Variants in PRKCA observed in about 807,000 individuals in gnomAD.
PRKCA encodes protein kinase C alpha.
Under a neutral mutation model 87.0 loss-of-function variants are expected in PRKCA, and 27 were observed. The ratio of observed to expected loss-of-function variants is 0.31; its 90% CI spans 0.23 to 0.43. The LOEUF (loss-of-function observed/expected upper bound fraction) is 0.43, where lower values mean the gene tolerates loss of function less well. Ranked by LOEUF, PRKCA falls within the 20% of genes least tolerant of loss-of-function variation. The pLI, the probability that PRKCA is intolerant of heterozygous loss-of-function variation, is 1.00. For synonymous variants in PRKCA, 329 were observed against 311.1 expected, an observed-to-expected ratio of 1.06 and a Z score of -0.61; for missense variants, 518 against 852.3, an observed-to-expected ratio of 0.61 and a Z score of 4.88.
chr17:66,634,064 T>C (rs993342801), intron 3 of PRKCA, among the ~76,000 whole-genome samples: 3 of 152,228 alleles, frequency 2.0e-5, no homozygotes, highest in Non-Finnish European at 2.9e-5. Flanking sequence ...ATGATGGTGA[T>C]AAAGAGAAAC....
chr17:66,738,684 C>A, intron 10 of PRKCA, 80 bp from the exon 11 acceptor site: 2 of 1,147,338 alleles, frequency 1.7e-6, no homozygotes, highest in Non-Finnish European at 1.3e-6. Context: ...AATGAGAAAG[C>A]AAAACACAAC....
chr17:66,639,351 T>G (rs1275747942), intron 3 of PRKCA: 1 of 152,176 alleles, frequency 6.6e-6, no homozygotes, highest in Non-Finnish European at 1.5e-5. Flanking sequence ...GGGAGACAAA[T>G]AGATCATCTA....
At chr17:66,538,247 G>A (rs1027753318) in intron 3 of PRKCA, among the ~76,000 whole-genome samples, 12 of 152,196 alleles carry the variant, frequency 7.9e-5, no homozygotes, top group Admixed American at 4.6e-4. Flanking sequence ...GCCTCTTTCA[G>A]AGTTACTTAA....
intron 5 of PRKCA, among the ~76,000 whole-genome samples, chr17:66,673,228 G>A (rs972300769): frequency 1.3e-5 from 2 of 152,186 alleles, no homozygotes; most frequent in Admixed American, 1.3e-4. Flanking sequence ...AAACATTGTT[G>A]TTTCTCATCT....
intron 2 of PRKCA, among the ~76,000 whole-genome samples, chr17:66,470,898 G>A (rs1430315240): frequency 6.6e-6 from 1 of 152,156 alleles, no homozygotes; most frequent in Non-Finnish European, 1.5e-5. Context: ...CTCCAACTAA[G>A]AGTGTGTATA....
intron 16 of PRKCA, among the ~76,000 whole-genome samples, chr17:66,800,896 T>C (rs1975884447): frequency 6.6e-6 from 1 of 152,228 alleles, no homozygotes; most frequent in Admixed American, 6.5e-5. Context: ...TTCTTGCTCA[T>C]CTTTGCATGG....
intron 8 of PRKCA, among the ~76,000 whole-genome samples, chr17:66,713,686 CCGCT>C (rs1226599387): frequency 1.3e-5 from 2 of 152,182 alleles, no homozygotes; most frequent in African/African-American, 4.8e-5. Flanking sequence ...TAGCGTGCCA[CCGCT>C]CGCTCACACC....
chr17:66,346,348 T>C (rs1415079698), intron 2 of PRKCA, among the ~76,000 whole-genome samples: 3 of 151,870 alleles, frequency 2.0e-5, no homozygotes, highest in East Asian at 3.9e-4. Context: ...CTGCCCACCT[T>C]GGCCTCCCAA....
At chr17:66,607,025 T>A (rs1022842785) in intron 3 of PRKCA, among the ~76,000 whole-genome samples, 4 of 152,190 alleles carry the variant, frequency 2.6e-5, no homozygotes, top group Non-Finnish European at 5.9e-5. Flanking sequence ...GGAAATTTTT[T>A]CATTTCTTAT....
chr17:66,698,418 CAG>C lies in PRKCA; in HGVS notation c.918+9373_918+9374del, dbSNP rs559781349. Among the ~76,000 whole-genome samples the C allele has an allele frequency of 5.5e-4, 84 of 152,096 alleles. No homozygotes were observed. The South Asian group carries it at 7.9e-3, about 14-fold the overall frequency. ...TAAATCATTTTTAAAAAGAACCAAACAGAAATTTTGGAGGTGAAGAATACAGT... is the reference window on the plus strand; with the variant it reads ...TAAATCATTTTTAAAAAGAACCAAACAAATTTTGGAGGTGAAGAATACAGT... On this transcript the variant is annotated intron_variant, in intron 8 of 16. Coordinates refer to ENST00000413366, the MANE Select transcript of PRKCA (RefSeq NM_002737.3).
chr17:66,543,422 T>C (rs947697796), intron 3 of PRKCA, among the ~76,000 whole-genome samples: 3 of 152,220 alleles, frequency 2.0e-5, no homozygotes, highest in Admixed American at 2.0e-4. Flanking sequence ...GTCTGGCTTT[T>C]GATGCTATGA....
intron 14 of PRKCA, chr17:66,775,444 G>A (rs1975025273): frequency 1.0e-6 from 1 of 985,236 alleles, no homozygotes; most frequent in Non-Finnish European, 1.2e-6. Flanking sequence ...GAGGCAGGAA[G>A]TATAGCATAT....
intron 2 of PRKCA, among the ~76,000 whole-genome samples, chr17:66,443,102 A>G (rs1021375157): frequency 1.4e-4 from 22 of 152,174 alleles, no homozygotes; most frequent in African/African-American, 5.1e-4. Flanking sequence ...TTTATAGACA[A>G]ACAGCTGAAG....
intron 5 of PRKCA, among the ~76,000 whole-genome samples, chr17:66,685,511 G>C (rs1165815275): frequency 1.3e-5 from 2 of 152,192 alleles, no homozygotes; most frequent in Non-Finnish European, 2.9e-5. Context: ...GTGGCTAGCA[G>C]ACCTGAGCTA....
intron 3 of PRKCA, among the ~76,000 whole-genome samples, chr17:66,538,399 G>A (rs186578133): frequency 2.0e-5 from 3 of 152,196 alleles, no homozygotes; most frequent in East Asian, 1.9e-4. Flanking sequence ...ACTCATCTGC[G>A]TTGGAGAGAT....
intron 3 of PRKCA, among the ~76,000 whole-genome samples, chr17:66,500,938 A>G (rs766490695): frequency 4.6e-5 from 7 of 151,660 alleles, no homozygotes; most frequent in Non-Finnish European, 8.8e-5. Context: ...TCCCCTGAAA[A>G]ATTTAAAAAT....
At chr17:66,722,272 C>T (rs1322695537) in intron 8 of PRKCA, among the ~76,000 whole-genome samples, 1 of 152,232 alleles carries the variant, frequency 6.6e-6, no homozygotes, top group African/African-American at 2.4e-5. Flanking sequence ...GACTGTCACA[C>T]TGTCACAGCT....
intron 5 of PRKCA, among the ~76,000 whole-genome samples, chr17:66,649,361 A>G (rs1971532354): frequency 1.3e-5 from 2 of 152,230 alleles, no homozygotes; most frequent in African/African-American, 4.8e-5. Context: ...AATAGCTACC[A>G]TTTATTGAGT....
At chr17:66,461,205 CAAAAAA>C (rs34496253) in intron 2 of PRKCA, among the ~76,000 whole-genome samples, 2 of 93,032 alleles carry the variant, frequency 2.1e-5, no homozygotes, top group Non-Finnish European at 4.5e-5. Context: ...GACCCCATCT[CAAAAAA>C]AAAAAAAAAA....
Sources: gnomAD v4.1 joint callset for allele counts (sites outside exome capture counted in the v4.1 genomes callset) on GRCh38, gnomAD v4.1.1 for gene constraint, MANE v1.5 for transcripts, NCBI Gene and HGNC (gene_info 2026-07-23, HGNC 2026-07-21) for gene names.